EEIG2: variants seen among roughly 807,000 people sequenced by gnomAD.
EEIG2 encodes family with sequence similarity 102 member B.
chr1:108,588,422 T>C, the EEIG2 span, among the ~76,000 whole-genome samples: 2 of 152,220 alleles, frequency 1.3e-5, no homozygotes, highest in Non-Finnish European at 2.9e-5. Flanking sequence ...TGTTAACTCA[T>C]TGCGGTTTTG....
At chr1:108,593,554 A>G in the EEIG2 span, among the ~76,000 whole-genome samples, 1 of 152,194 alleles carries the variant, frequency 6.6e-6, no homozygotes, top group African/African-American at 2.4e-5. Context: ...TCTCCTTTTA[A>G]GGAAGAAGAG....
chr1:108,600,285 A>G, the EEIG2 span, among the ~76,000 whole-genome samples: 1 of 152,252 alleles, frequency 6.6e-6, no homozygotes, highest in African/African-American at 2.4e-5. Flanking sequence ...AAGTAAATGT[A>G]CATTATGTGT....
chr1:108,619,761 G>A, the EEIG2 span, among the ~76,000 whole-genome samples: 1 of 152,106 alleles, frequency 6.6e-6, no homozygotes, highest in Non-Finnish European at 1.5e-5. Flanking sequence ...GCGTGGTGGT[G>A]CGCCTGTCGT....
the EEIG2 span, among the ~76,000 whole-genome samples, chr1:108,593,851 G>T: frequency 6.6e-6 from 1 of 152,108 alleles, no homozygotes; most frequent in East Asian, 1.9e-4. Context: ...TGTTGCCCAG[G>T]CTAGTGTGCA....
the EEIG2 span, among the ~76,000 whole-genome samples, chr1:108,582,430 G>A: frequency 6.6e-6 from 1 of 152,030 alleles, no homozygotes; most frequent in Non-Finnish European, 1.5e-5. Flanking sequence ...GATTGTAATA[G>A]CTATCTTAAT....
chr1:108,570,358 A>G, the EEIG2 span, among the ~76,000 whole-genome samples: 1 of 152,130 alleles, frequency 6.6e-6, no homozygotes, highest in African/African-American at 2.4e-5. Context: ...CATTTCAAGG[A>G]GCCTAGACTT....
At chr1:108,581,760 A>G in the EEIG2 span, among the ~76,000 whole-genome samples, 1 of 152,228 alleles carries the variant, frequency 6.6e-6, no homozygotes, top group Non-Finnish European at 1.5e-5. Context: ...TTGAGATGGT[A>G]TCTATTCCTA....
chr1:108,574,829 T>G, the EEIG2 span, among the ~76,000 whole-genome samples: 2 of 152,184 alleles, frequency 1.3e-5, no homozygotes, highest in African/African-American at 4.8e-5. Context: ...TTTCATCCCC[T>G]CCAAATGTTT....
chr1:108,631,486 A>G, the EEIG2 span, among the ~76,000 whole-genome samples: 1 of 152,338 alleles, frequency 6.6e-6, no homozygotes, highest in South Asian at 2.1e-4. Flanking sequence ...TAATAGAGGG[A>G]AGTTTGAGAG....
chr1:108,615,611 C>CA, the EEIG2 span, among the ~76,000 whole-genome samples: 4,915 of 144,052 alleles, frequency 0.034, 212 homozygotes, highest in African/African-American at 0.098. Flanking sequence ...CTCATTTCTG[C>CA]AAAAAAAAAA....
the EEIG2 span, among the ~76,000 whole-genome samples, chr1:108,579,036 G>A: frequency 6.5e-5 from 2 of 30,634 alleles, no homozygotes; most frequent in East Asian, 6.1e-4. Context: ...ATCAACTAAC[G>A]AGCAAAATCA....
the EEIG2 span, among the ~76,000 whole-genome samples, chr1:108,614,228 A>AAG: frequency 3.3e-5 from 5 of 150,308 alleles, no homozygotes; most frequent in African/African-American, 1.2e-4. Context: ...AAAAAAAAAA[A>AAG]TACTCCTGGC....
chr1:108,592,261 G>T, the EEIG2 span, among the ~76,000 whole-genome samples: 1 of 152,166 alleles, frequency 6.6e-6, no homozygotes, highest in Admixed American at 6.5e-5. Context: ...AGTCATTTGT[G>T]GCCCATGCCT....
At chr1:108,560,601 C>T in the EEIG2 span, 1 of 1,598,210 alleles carries the variant, frequency 6.3e-7, no homozygotes. Context: ...CCCCTTTCTG[C>T]TTGGCCAGGG....
chr1:108,630,230 A>C, the EEIG2 span, among the ~76,000 whole-genome samples: 2 of 152,358 alleles, frequency 1.3e-5, no homozygotes, highest in East Asian at 3.9e-4. Flanking sequence ...GCCACTGAGC[A>C]ACTTAAGCTG....
At chr1:108,631,962 AAATTAG>A in the EEIG2 span, among the ~76,000 whole-genome samples, 326 of 152,082 alleles carry the variant, frequency 2.1e-3, 2 homozygotes, top group East Asian at 0.05. Context: ...AAAAATAAAA[AAATTAG>A]CCGGGTGTGG....
At chr1:108,600,449 A>G in the EEIG2 span, 1 of 1,192,230 alleles carries the variant, frequency 8.4e-7, no homozygotes, top group South Asian at 1.7e-5. Flanking sequence ...ACTGTTTACA[A>G]ATACTGGCTT....
chr1:108,613,060 C>T, the EEIG2 span, among the ~76,000 whole-genome samples: 2 of 152,112 alleles, frequency 1.3e-5, no homozygotes, highest in Non-Finnish European at 2.9e-5. Context: ...GTTATTATGG[C>T]CAGTCCAATG....
chr1:108,630,322 AG>A, the EEIG2 span, among the ~76,000 whole-genome samples: 1 of 152,208 alleles, frequency 6.6e-6, no homozygotes, highest in Non-Finnish European at 1.5e-5. Context: ...AACTATCGCA[AG>A]GACAAAAAAC....
Sources: gnomAD v4.1 joint callset for allele counts (sites outside exome capture counted in the v4.1 genomes callset) on GRCh38, gnomAD v4.1.1 for gene constraint, MANE v1.5 for transcripts, NCBI Gene and HGNC (gene_info 2026-07-23, HGNC 2026-07-21) for gene names.